SULT1B1: variants seen among roughly 807,000 people sequenced by gnomAD.
The protein encoded by SULT1B1 is sulfotransferase family 1B member 1, also known as sulfotransferase 1B1.
In SULT1B1, 28 loss-of-function variants were observed where a neutral mutation model predicts 34.6. That is an observed-to-expected ratio of 0.81 (90% CI 0.60 to 1.11). SULT1B1 has a LOEUF of 1.11. Among genes scored for constraint, SULT1B1 ranks in the 50% least tolerant of loss-of-function variants. SULT1B1 has a pLI of 0.00. For missense variants in SULT1B1, 374 were observed against 352.2 expected, an observed-to-expected ratio of 1.06 and a Z score of -0.50; for synonymous variants, 147 against 110.2, an observed-to-expected ratio of 1.33 and a Z score of -2.09.
At chr4:69,744,426 G>C (rs1433962998) in intron 4 of SULT1B1, among the ~76,000 whole-genome samples, 1 of 151,830 alleles carries the variant, frequency 6.6e-6, no homozygotes, top group African/African-American at 2.4e-5. Context: ...ATGGGGCACA[G>C]GGGTCCCACT....
intron 4 of SULT1B1, among the ~76,000 whole-genome samples, chr4:69,741,185 C>G (rs1718537253): frequency 6.6e-6 from 1 of 152,106 alleles, no homozygotes; most frequent in Non-Finnish European, 1.5e-5. Context: ...TGAAGATCAG[C>G]AGGTTGTAGG....
chr4:69,746,795 T>C (rs1260286837), intron 4 of SULT1B1, among the ~76,000 whole-genome samples: 1 of 152,260 alleles, frequency 6.6e-6, no homozygotes, highest in Non-Finnish European at 1.5e-5. Context: ...CCAGAATTCT[T>C]GAGCTGTTTC....
At chr4:69,751,643 G>A (rs1478354843) in intron 3 of SULT1B1, among the ~76,000 whole-genome samples, 2 of 152,026 alleles carry the variant, frequency 1.3e-5, no homozygotes, top group African/African-American at 4.8e-5. Flanking sequence ...TAGTAGAGAC[G>A]GGGTTTCACC....
chr4:69,741,806 A>C (rs1292933312), intron 4 of SULT1B1, among the ~76,000 whole-genome samples: 1 of 144,324 alleles, frequency 6.9e-6, no homozygotes, highest in Non-Finnish European at 1.5e-5. Flanking sequence ...TTTTCTAGCT[A>C]AAAAATCATA....
intron 4 of SULT1B1, among the ~76,000 whole-genome samples, chr4:69,738,814 G>C (rs1364664042): frequency 2.6e-5 from 4 of 152,082 alleles, no homozygotes; most frequent in Non-Finnish European, 4.4e-5. Context: ...ATGTAAAATT[G>C]AAAGTCAGTT....
chr4:69,759,289 T>C (rs1033624985), intron 1 of SULT1B1, among the ~76,000 whole-genome samples: 4 of 152,356 alleles, frequency 2.6e-5, no homozygotes, highest in Middle Eastern at 3.4e-3. Flanking sequence ...GCTCTGTTCA[T>C]GTGATCATAC....
At chr4:69,727,569 A>G (rs1283441074) in intron 7 of SULT1B1, among the ~76,000 whole-genome samples, 1 of 151,882 alleles carries the variant, frequency 6.6e-6, no homozygotes, top group Non-Finnish European at 1.5e-5. Context: ...ATAGTCAGGC[A>G]TATTTTATTT....
chr4:69,734,077 ATTG>A (rs1718193839), intron 5 of SULT1B1, 58 bp downstream of exon 5: 2 of 1,288,748 alleles, frequency 1.6e-6, no homozygotes, highest in African/African-American at 1.5e-5. Context: ...CATAAAAGTT[ATTG>A]TTAATAGTAT....
chr4:69,752,791 G>A (rs1719027357), intron 3 of SULT1B1, among the ~76,000 whole-genome samples: 1 of 152,112 alleles, frequency 6.6e-6, no homozygotes, highest in Non-Finnish European at 1.5e-5. Context: ...TCTTCACATT[G>A]GCATACAGGT....
chr4:69,735,424 T>C (rs1718263632), intron 4 of SULT1B1, among the ~76,000 whole-genome samples: 2 of 152,074 alleles, frequency 1.3e-5, no homozygotes, highest in Non-Finnish European at 2.9e-5. Flanking sequence ...CACACCCGGG[T>C]CTCTGTAGGT....
chr4:69,734,123 A>T lies in SULT1B1; in HGVS notation c.502+15T>A. ...ATAAAAAATACTTATCAATTTTAAGATAAAGTCCACATACCTTTTCCAGTT... is the reference window on the plus strand; with the variant it reads ...ATAAAAAATACTTATCAATTTTAAGTTAAAGTCCACATACCTTTTCCAGTT... On this transcript the variant is annotated intron_variant, in intron 5 of 7. Coordinates refer to ENST00000310613, the MANE Select transcript of SULT1B1 (RefSeq NM_014465.4). The T allele has an allele frequency of 1.3e-5, 20 of 1,567,152 alleles. No homozygotes were observed. The highest frequency in any genetic ancestry group is 1.7e-5 in the Non-Finnish European group (20 of 1,158,184).
chr4:69,736,430 A>G (rs1373404958), intron 4 of SULT1B1, among the ~76,000 whole-genome samples: 1 of 152,186 alleles, frequency 6.6e-6, no homozygotes, highest in Non-Finnish European at 1.5e-5. Flanking sequence ...GATTCAAAAG[A>G]GATCCCTACT....
chr4:69,725,026 C>T lies in SULT1B1; in HGVS notation c.*2062G>A, dbSNP rs1051510744. On this transcript the variant is annotated 3_prime_UTR_variant, in exon 8 of 8. Coordinates refer to ENST00000310613, the MANE Select transcript of SULT1B1 (RefSeq NM_014465.4). ...AAAAGCCAAAATTGACAAATGGGAT[C>T]TAATTAAACTAAAGAGCTTCTGCAC... is the stretch of plus-strand genomic sequence containing the variant. The T allele has an allele frequency of 2.6e-5, 4 of 151,942 alleles. No individual in the cohort carries two copies. In the South Asian group the frequency reaches 6.2e-4, roughly 24 times the overall value. The allele number at this position is 151,942 out of a possible 1,614,324, so 9.4% of individuals were successfully genotyped here.
Position 69,726,893 on chromosome 4 carries a change from T to C in SULT1B1, c.*195A>G. The C allele has an allele frequency of 2.2e-6, 1 of 448,272 alleles. No individual in the cohort carries two copies. The highest frequency in any genetic ancestry group is 4.3e-5 in the South Asian group (1 of 23,502). 27.8% of individuals were successfully genotyped at this position (448,272 alleles called of 1,614,324 possible). A position where few individuals can be genotyped will look rare whatever the true frequency, so the allele number is the denominator to read the frequency against. On this transcript the variant is annotated 3_prime_UTR_variant, in exon 8 of 8. Transcript: ENST00000310613. Reference sequence around the variant, plus strand: ...AAAAAGTTAACAATGAACTTTAGCCTTAGAGAATTTGGAAACTCAGAATCA... The same window carrying C: ...AAAAAGTTAACAATGAACTTTAGCCCTAGAGAATTTGGAAACTCAGAATCA...
chr4:69,740,318 GA>G (rs2110023003), intron 4 of SULT1B1, among the ~76,000 whole-genome samples: 1 of 152,316 alleles, frequency 6.6e-6, no homozygotes, highest in South Asian at 2.1e-4. Context: ...AAGGCCCCAG[GA>G]AACTTACAAT....
rs972157170 is a variant in SULT1B1 at position 69,724,470 on chromosome 4, C to T, written c.*2618G>A. ...CCCAAGGTCATTTATAGATTCAATGCCATCCCCATTAAGCTACCAATGACT... is the reference window on the plus strand; with the variant it reads ...CCCAAGGTCATTTATAGATTCAATGTCATCCCCATTAAGCTACCAATGACT... On this transcript the variant is annotated 3_prime_UTR_variant, in exon 8 of 8. Transcript: ENST00000310613. 1.3e-5 allele frequency: 2 copies of T among 152,120 alleles called. No homozygotes were observed. Among genetic ancestry groups the T allele is most frequent in the African/African-American group, 4.8e-5 (2 of 41,404 alleles). The allele number at this position is 152,120 out of a possible 1,614,324, so 9.4% of individuals were successfully genotyped here. A position where few individuals can be genotyped will look rare whatever the true frequency, so the allele number is the denominator to read the frequency against.
In SULT1B1 at chr4:69,726,864, T is replaced by A. The variant is rs1423585046; in HGVS notation, c.*224A>T. 2 of 394,860 alleles carry A rather than the reference T, an allele frequency of 5.1e-6. No homozygotes were observed. Among genetic ancestry groups the A allele is most frequent in the African/African-American group, 2.1e-5 (1 of 47,648 alleles). 24.5% of individuals were successfully genotyped at this position (394,860 alleles called of 1,614,324 possible). A position where few individuals can be genotyped will look rare whatever the true frequency, so the allele number is the denominator to read the frequency against. ...AGCCTGTGGTTACATTGTTCCTTTGTTACAAAAAGTTAACAATGAACTTTA... is the reference window on the plus strand; with the variant it reads ...AGCCTGTGGTTACATTGTTCCTTTGATACAAAAAGTTAACAATGAACTTTA... On this transcript the variant is annotated 3_prime_UTR_variant, in exon 8 of 8. Transcript: ENST00000310613.
rs1189923788 is a variant in SULT1B1 at position 69,724,087 on chromosome 4, C to T, written c.*3001G>A. On this transcript the variant is annotated 3_prime_UTR_variant, in exon 8 of 8. Transcript: ENST00000310613. Reference sequence around the variant, plus strand: ...TTAGGAGAAGAGGAAGTCAAATTGTCCCTGTTTGCAGATGACATGATTGTA... The same window carrying T: ...TTAGGAGAAGAGGAAGTCAAATTGTTCCTGTTTGCAGATGACATGATTGTA... 1.3e-5 allele frequency: 2 copies of T among 152,178 alleles called. No individual in the cohort carries two copies. Among genetic ancestry groups the T allele is most frequent in the African/African-American group, 4.8e-5 (2 of 41,446 alleles). The allele number at this position is 152,178 out of a possible 1,614,324, so 9.4% of individuals were successfully genotyped here. A position where few individuals can be genotyped will look rare whatever the true frequency, so the allele number is the denominator to read the frequency against.
intron 6 of SULT1B1, among the ~76,000 whole-genome samples, chr4:69,732,192 A>G (rs1718105708): frequency 6.6e-6 from 1 of 152,188 alleles, no homozygotes; most frequent in Non-Finnish European, 1.5e-5. Flanking sequence ...ATACTCTCAA[A>G]CCCTGTGTAA....
Sources: allele counts gnomAD v4.1 joint callset (sites outside exome capture counted in the v4.1 genomes callset), GRCh38; gene constraint gnomAD v4.1.1; transcripts MANE v1.5; gene names NCBI Gene and HGNC (gene_info 2026-07-23, HGNC 2026-07-21).